Variants in EDA observed in about 807,000 individuals in gnomAD.
EDA encodes the protein ectodysplasin A, also known as ectodysplasin-A.
A neutral mutation model predicts 23.6 loss-of-function variants in EDA; 2 were observed. The ratio of observed to expected loss-of-function variants is 0.08; its 90% CI spans 0.03 to 0.27. The LOEUF (loss-of-function observed/expected upper bound fraction) is 0.27. Among genes scored for constraint, EDA ranks in the 10% least tolerant of loss-of-function variants. The probability of loss-of-function intolerance (pLI) is 1.00; values close to 1 mark genes in which losing one functional copy is unlikely to be tolerated. For synonymous variants in EDA, 131 were observed against 132.0 expected (o/e 0.99, Z 0.05); for missense variants, 229 against 324.2 (o/e 0.71, Z 2.26).
rs746180125 is a variant in EDA at position 69,828,104 on chromosome X, G to T, written c.397-128923G>T. On this transcript the variant is annotated intron_variant, in intron 1 of 7. Coordinates refer to ENST00000374552, the MANE Select transcript of EDA (RefSeq NM_001399.5). ...TGGGAGAACCACTGCTCTCTTCAAAGCTGTCAGACAGGGACATTTAAGTCT... is the reference window on the plus strand; with the variant it reads ...TGGGAGAACCACTGCTCTCTTCAAATCTGTCAGACAGGGACATTTAAGTCT... 2.3e-4 allele frequency among the ~76,000 whole-genome samples: 26 copies of T among 110,963 alleles called. No individual in the cohort carries two copies. The South Asian group carries it at 7.8e-3, about 33-fold the overall frequency.
intron 2 of EDA, among the ~76,000 whole-genome samples, chrX:69,974,940 C>G (rs2019295927): frequency 1.8e-5 from 2 of 111,756 alleles, no homozygotes; most frequent in South Asian, 7.5e-4. Context: ...GTCAGAATGG[C>G]TTTTATTAAA....
intron 1 of EDA, among the ~76,000 whole-genome samples, chrX:69,698,199 T>C (rs1254855077): frequency 8.9e-6 from 1 of 111,785 alleles, no homozygotes; most frequent in African/African-American, 3.3e-5. Flanking sequence ...TTTCTTTGTT[T>C]AGGTTATTAT....
chrX:69,904,981 A>G (rs1319135175), intron 1 of EDA, among the ~76,000 whole-genome samples: 2 of 112,423 alleles, frequency 1.8e-5, no homozygotes, highest in Admixed American at 9.4e-5. Flanking sequence ...TAGTGCTGCA[A>G]TAAACATGGG....
intron 1 of EDA, among the ~76,000 whole-genome samples, chrX:69,936,687 A>C (rs941129999): frequency 8.9e-6 from 1 of 111,813 alleles, no homozygotes; most frequent in African/African-American, 3.2e-5. Flanking sequence ...ATCACTCTCC[A>C]AAGTACAAAA....
At chrX:70,028,221 G>T (rs936674442) in intron 4 of EDA, among the ~76,000 whole-genome samples, 185 bp downstream of exon 4, 1 of 111,547 alleles carries the variant, frequency 9.0e-6, no homozygotes, top group African/African-American at 3.3e-5. Flanking sequence ...GCCTGCTCTA[G>T]CTTCTTATAT....
intron 3 of EDA, 57 bp downstream of exon 3, chrX:70,023,298 G>GA (rs1178261199): frequency 2.3e-6 from 2 of 887,938 alleles, no homozygotes; most frequent in Non-Finnish European, 3.2e-6. Context: ...AAAGTTAGAA[G>GA]AAAAAAATCA....
At chrX:69,700,432 G>A (rs1391760894) in intron 1 of EDA, among the ~76,000 whole-genome samples, 4 of 111,720 alleles carry the variant, frequency 3.6e-5, no homozygotes, top group Non-Finnish European at 7.5e-5. Flanking sequence ...AGGGAATTGC[G>A]GAAAGTGAAG....
At chrX:69,626,428 GATATA>G (rs1478819366) in intron 1 of EDA, among the ~76,000 whole-genome samples, 6 of 111,682 alleles carry the variant, frequency 5.4e-5, no homozygotes, top group African/African-American at 1.9e-4. Context: ...GGTATAATGT[GATATA>G]ATATTCTATA....
chrX:69,924,856 G>T (rs1038138578), intron 1 of EDA, among the ~76,000 whole-genome samples: 1 of 111,493 alleles, frequency 9.0e-6, no homozygotes, highest in Non-Finnish European at 1.9e-5. Context: ...TCTTCTTGAA[G>T]AGGTCCTTCA....
At chrX:69,791,999 C>T (rs1055047221) in intron 1 of EDA, among the ~76,000 whole-genome samples, 1 of 111,493 alleles carries the variant, frequency 9.0e-6, no homozygotes, top group Admixed American at 9.5e-5. Context: ...GGTACAGCTG[C>T]GTTTTGGTTA....
intron 2 of EDA, among the ~76,000 whole-genome samples, chrX:69,997,213 A>G (rs927745661): frequency 1.8e-5 from 2 of 112,344 alleles, no homozygotes; most frequent in African/African-American, 6.5e-5. Context: ...GTTTTGACAA[A>G]AATGCTGATA....
rs760220981 is a variant in EDA, at chrX:69,938,134, C to A, written c.397-18893C>A. On this transcript the variant is annotated intron_variant, in intron 1 of 7. Coordinates refer to ENST00000374552, the MANE Select transcript of EDA (RefSeq NM_001399.5). ...GTACTTGTGTCACTGAGCTCTCACT[C>A]CTCCTCCTCCCCCTGGCCATAGAGA... The A allele has an allele frequency of 8.6e-5, 59 of 689,346 alleles. 1 individual carries two copies. The South Asian group carries it at 1.6e-3, about 19-fold the overall frequency. 56.8% of individuals were successfully genotyped at this position (689,346 alleles called of 1,213,427 possible). A position where few individuals can be genotyped will look rare whatever the true frequency, so the allele number is the denominator to read the frequency against.
chrX:69,788,623 G>C (rs1393907261), intron 1 of EDA, among the ~76,000 whole-genome samples: 10 of 112,134 alleles, frequency 8.9e-5, no homozygotes, highest in South Asian at 3.7e-4. Flanking sequence ...GGGTCAGGGA[G>C]CCACTTGAGG....
chrX:69,993,624 G>A (rs1012950214), intron 2 of EDA, among the ~76,000 whole-genome samples: 2 of 112,036 alleles, frequency 1.8e-5, no homozygotes, highest in Admixed American at 9.4e-5. Flanking sequence ...CTGCTTCCAA[G>A]GAAAGCTCAC....
chrX:69,867,956 G>A (rs759061008), intron 1 of EDA, among the ~76,000 whole-genome samples: 30 of 111,884 alleles, frequency 2.7e-4, no homozygotes, highest in Non-Finnish European at 5.1e-4. Flanking sequence ...TTCATGATAG[G>A]CAGTTCAGGT....
intron 2 of EDA, among the ~76,000 whole-genome samples, chrX:70,011,042 T>C (rs2147487982): frequency 8.9e-6 from 1 of 111,947 alleles, no homozygotes; most frequent in East Asian, 2.8e-4. Flanking sequence ...TTGCCATTTT[T>C]CTTTGTTTCT....
At chrX:69,901,335 A>C (rs1347161151) in intron 1 of EDA, among the ~76,000 whole-genome samples, 1 of 112,331 alleles carries the variant, frequency 8.9e-6, no homozygotes, top group African/African-American at 3.2e-5. Flanking sequence ...CTGTACTGAA[A>C]TACTATTAAC....
intron 2 of EDA, among the ~76,000 whole-genome samples, chrX:69,970,062 C>T (rs1022431080): frequency 4.5e-5 from 5 of 111,574 alleles, no homozygotes; most frequent in African/African-American, 1.6e-4. Context: ...GCTATGACTG[C>T]ACCACTGCAC....
intron 1 of EDA, among the ~76,000 whole-genome samples, chrX:69,828,167 T>G (rs1426141200): frequency 5.4e-5 from 6 of 111,937 alleles, no homozygotes; most frequent in African/African-American, 1.9e-4. Context: ...GTCTGTGCCC[T>G]GCCCCCAGAG....
Sources: allele counts gnomAD v4.1 joint callset (sites outside exome capture counted in the v4.1 genomes callset), GRCh38; gene constraint gnomAD v4.1.1; transcripts MANE v1.5; gene names NCBI Gene and HGNC (gene_info 2026-07-23, HGNC 2026-07-21).